Variants in SH3RF3 observed in about 807,000 individuals in gnomAD.
SH3RF3 encodes the protein SH3 domain containing ring finger 3, also known as E3 ubiquitin-protein ligase SH3RF3.
In SH3RF3, 29 loss-of-function variants were observed where a neutral mutation model predicts 66.3. That is an observed-to-expected ratio of 0.44 (90% CI 0.33 to 0.60). SH3RF3 has a LOEUF of 0.60. Ranked by LOEUF, SH3RF3 falls within the 20% of genes least tolerant of loss-of-function variation. SH3RF3 has a pLI of 0.04. For synonymous variants in SH3RF3, 583 were observed against 532.0 expected (o/e 1.10, Z -1.32); for missense variants, 1,194 against 1,190.9 (o/e 1.00, Z -0.04).
At chr2:109,479,735 C>T (rs1212318742) in intron 8 of SH3RF3, among the ~76,000 whole-genome samples, 2 of 152,178 alleles carry the variant, frequency 1.3e-5, no homozygotes, top group Admixed American at 6.5e-5. Context: ...GAATGAACCC[C>T]CTTGTGAACC....
intron 5 of SH3RF3, among the ~76,000 whole-genome samples, chr2:109,431,424 T>C (rs1263823074): frequency 6.6e-6 from 1 of 152,188 alleles, no homozygotes; most frequent in East Asian, 1.9e-4. Flanking sequence ...ATCCCAAAAG[T>C]AGCAGAGCAC....
chr2:109,223,028 G>T (rs1193580851), intron 1 of SH3RF3, among the ~76,000 whole-genome samples: 1 of 152,240 alleles, frequency 6.6e-6, no homozygotes. Flanking sequence ...GTCCGCCCCT[G>T]TGGCCATCAG....
chr2:109,441,803 A>G (rs1677571492), intron 7 of SH3RF3, among the ~76,000 whole-genome samples: 1 of 152,240 alleles, frequency 6.6e-6, no homozygotes, highest in Admixed American at 6.5e-5. Flanking sequence ...CAGCCAGAGG[A>G]CAAAAAGATA....
intron 1 of SH3RF3, among the ~76,000 whole-genome samples, chr2:109,201,643 T>C (rs1363474231): frequency 6.6e-6 from 1 of 152,198 alleles, no homozygotes; most frequent in African/African-American, 2.4e-5. Context: ...TTTGGGACGT[T>C]TGTGTCAGGA....
At chr2:109,371,703 A>G in intron 3 of SH3RF3, 22 bp downstream of exon 3, 1 of 1,606,618 alleles carries the variant, frequency 6.2e-7, no homozygotes, top group South Asian at 1.1e-5. Flanking sequence ...CCGCCCTCCC[A>G]CACTTGGCTC....
chr2:109,498,237 G>A (rs559274106), intron 9 of SH3RF3, among the ~76,000 whole-genome samples: 19 of 152,300 alleles, frequency 1.2e-4, no homozygotes, highest in East Asian at 5.8e-4. Flanking sequence ...TCGTGCACCC[G>A]TAGATGCTCT....
intron 2 of SH3RF3, among the ~76,000 whole-genome samples, chr2:109,352,033 C>T (rs910307564): frequency 1.3e-5 from 2 of 152,230 alleles, no homozygotes; most frequent in Non-Finnish European, 1.5e-5. Flanking sequence ...GAGGTAGACA[C>T]AGATTCAAAT....
At chr2:109,254,450 C>G in intron 1 of SH3RF3, among the ~76,000 whole-genome samples, 1 of 152,144 alleles carries the variant, frequency 6.6e-6, no homozygotes, top group East Asian at 1.9e-4. Context: ...CTGTAAAGTA[C>G]TTAGAATAGG....
At chr2:109,269,131 G>A (rs968544826) in intron 1 of SH3RF3, among the ~76,000 whole-genome samples, 2 of 152,224 alleles carry the variant, frequency 1.3e-5, no homozygotes, top group Non-Finnish European at 2.9e-5. Context: ...GAGTGGCATT[G>A]GAAGCGTGGG....
intron 1 of SH3RF3, among the ~76,000 whole-genome samples, chr2:109,182,178 T>C (rs904607588): frequency 6.6e-6 from 1 of 152,084 alleles, no homozygotes; most frequent in African/African-American, 2.4e-5. Flanking sequence ...TTATAAACAA[T>C]AGAAGTGTAT....
chr2:109,382,567 C>G (rs1675721635), intron 3 of SH3RF3, among the ~76,000 whole-genome samples: 1 of 152,206 alleles, frequency 6.6e-6, no homozygotes, highest in Non-Finnish European at 1.5e-5. Context: ...AACAGCCCCT[C>G]TGTCACCCCA....
At chr2:109,221,146 T>G (rs1679227430) in intron 1 of SH3RF3, among the ~76,000 whole-genome samples, 1 of 152,148 alleles carries the variant, frequency 6.6e-6, no homozygotes, top group Non-Finnish European at 1.5e-5. Flanking sequence ...ATAAGTGAGG[T>G]GCATACAAGT....
intron 1 of SH3RF3, among the ~76,000 whole-genome samples, chr2:109,217,359 T>C (rs763560941): frequency 3.3e-5 from 5 of 152,232 alleles, no homozygotes; most frequent in Non-Finnish European, 4.4e-5. Flanking sequence ...ACTTACCATA[T>C]CGTGAATGAG....
intron 3 of SH3RF3, among the ~76,000 whole-genome samples, chr2:109,397,419 T>G (rs1404956242): frequency 1.3e-5 from 2 of 152,156 alleles, no homozygotes; most frequent in Non-Finnish European, 2.9e-5. Context: ...AGTATCATAG[T>G]TTCTTCCCAG....
At chr2:109,391,843 CT>C (rs796817341) in intron 3 of SH3RF3, among the ~76,000 whole-genome samples, 515 of 149,936 alleles carry the variant, frequency 3.4e-3, no homozygotes, top group African/African-American at 0.012. Flanking sequence ...ATATGGTCTT[CT>C]TTTTTTTTTA....
At chr2:109,143,747 C>G (rs1677023572) in intron 1 of SH3RF3, among the ~76,000 whole-genome samples, 2 of 129,584 alleles carry the variant, frequency 1.5e-5, no homozygotes, top group African/African-American at 5.0e-5. Flanking sequence ...GAGTGACACC[C>G]TGTCTGAAAC....
At position 109,452,258 on chromosome 2, in the gene SH3RF3, C is replaced by T. The variant is rs143092348; in HGVS notation, c.2148+2769C>T. Among the ~76,000 whole-genome samples, 373 of 152,340 alleles carry T rather than the reference C, an allele frequency of 2.4e-3. 1 individual carries two copies. The highest frequency in any genetic ancestry group is 8.3e-3 in the African/African-American group (347 of 41,578). On this transcript the variant is annotated intron_variant, in intron 8 of 9. Transcript: ENST00000309415. ...CTGGGCTAGGGGGCTGCAGCCAGCA[C>T]ACTCCCTGCAGGCCGCTTCCTGAGC...
intron 1 of SH3RF3, among the ~76,000 whole-genome samples, chr2:109,263,733 G>A (rs148741913): frequency 9.8e-5 from 15 of 152,302 alleles, no homozygotes; most frequent in Middle Eastern, 3.4e-3. Context: ...TTGGGAGGCC[G>A]AGGTGGGCAG....
chr2:109,468,200 C>T (rs1172806866), intron 8 of SH3RF3, among the ~76,000 whole-genome samples: 1 of 152,234 alleles, frequency 6.6e-6, no homozygotes, highest in African/African-American at 2.4e-5. Flanking sequence ...CTGTGACACA[C>T]CTAGGCTGTG....
Sources: gnomAD v4.1 joint callset for allele counts (sites outside exome capture counted in the v4.1 genomes callset) on GRCh38, gnomAD v4.1.1 for gene constraint, MANE v1.5 for transcripts, NCBI Gene and HGNC (gene_info 2026-07-23, HGNC 2026-07-21) for gene names.